Variants in AGBL1 observed in about 807,000 individuals in gnomAD.
AGBL1 encodes the protein cytosolic carboxypeptidase 4.
Under a neutral mutation model 118.9 loss-of-function variants are expected in AGBL1, and 130 were observed. The observed-to-expected ratio is 1.09, with a 90% CI of 0.95 to 1.26. AGBL1 has a LOEUF of 1.26. Ranked by LOEUF, AGBL1 falls within the 50% of genes most tolerant of loss-of-function variation. The pLI is 0.00. For missense variants in AGBL1, 1,584 were observed against 1,298.1 expected (o/e 1.22, Z -3.38); for synonymous variants, 555 against 478.9 (o/e 1.16, Z -2.08).
At chr15:86,743,880 C>T (rs1872562611) in intron 22 of AGBL1, among the ~76,000 whole-genome samples, 1 of 152,038 alleles carries the variant, frequency 6.6e-6, no homozygotes, top group African/African-American at 2.4e-5. Context: ...CCCCGCAACA[C>T]ACACACGTCT....
intron 21 of AGBL1, among the ~76,000 whole-genome samples, chr15:86,557,317 C>G (rs1407027989): frequency 6.6e-6 from 1 of 152,162 alleles, no homozygotes; most frequent in East Asian, 1.9e-4. Context: ...GGGCTTCACA[C>G]TGAGTGTTTG....
chr15:86,765,259 T>C (rs1328614117), intron 22 of AGBL1, among the ~76,000 whole-genome samples: 2 of 151,872 alleles, frequency 1.3e-5, no homozygotes, highest in Non-Finnish European at 2.9e-5. Context: ...AAAAATATGC[T>C]TTTTCCAACA....
chr15:86,617,306 CAG>C (rs1480226326), intron 21 of AGBL1, among the ~76,000 whole-genome samples: 2 of 152,316 alleles, frequency 1.3e-5, no homozygotes, highest in East Asian at 1.9e-4. Context: ...TGTGACCTTT[CAG>C]AGTCACTGTT....
At chr15:86,154,986 G>C (rs945255894) in intron 4 of AGBL1, among the ~76,000 whole-genome samples, 1 of 151,956 alleles carries the variant, frequency 6.6e-6, no homozygotes, top group Non-Finnish European at 1.5e-5. Context: ...ATTACTCATT[G>C]ATTACAACAT....
chr15:86,735,662 A>ATATATATATATATATATATATATATATG (rs2141224437), intron 22 of AGBL1, among the ~76,000 whole-genome samples: 1 of 151,314 alleles, frequency 6.6e-6, no homozygotes, highest in South Asian at 2.1e-4. Context: ...AGAGATATAT[A>ATATATATATATATATATATATATATATG]TATATATTTT....
chr15:86,347,177 T>C (rs2080550973), intron 17 of AGBL1, among the ~76,000 whole-genome samples: 1 of 152,196 alleles, frequency 6.6e-6, no homozygotes, highest in Non-Finnish European at 1.5e-5. Flanking sequence ...CTCTTTTAGC[T>C]AGCCCTGCAT....
intron 18 of AGBL1, among the ~76,000 whole-genome samples, chr15:86,516,793 CAAAAA>C (rs3084324): frequency 4.0e-5 from 4 of 99,216 alleles, no homozygotes; most frequent in Non-Finnish European, 6.0e-5. Context: ...AACTCCATCT[CAAAAA>C]AAAAAAAAAA....
chr15:86,410,836 A>AT (rs1567242843), intron 18 of AGBL1, among the ~76,000 whole-genome samples: 16 of 107,524 alleles, frequency 1.5e-4, no homozygotes, highest in African/African-American at 5.7e-4. Context: ...ATATATATAT[A>AT]TATATAATAT....
At chr15:86,784,872 C>T (rs2078384836) in intron 22 of AGBL1, among the ~76,000 whole-genome samples, 1 of 152,030 alleles carries the variant, frequency 6.6e-6, no homozygotes, top group African/African-American at 2.4e-5. Context: ...AACAGATAAT[C>T]TTTGTACTAC....
intron 18 of AGBL1, among the ~76,000 whole-genome samples, chr15:86,430,633 A>G (rs2081924453): frequency 6.6e-6 from 1 of 152,128 alleles, no homozygotes. Flanking sequence ...AACTAACCAC[A>G]CTGCACATAG....
intron 1 of AGBL1, among the ~76,000 whole-genome samples, chr15:86,107,280 G>T (rs1278430657): frequency 6.6e-6 from 1 of 152,198 alleles, no homozygotes; most frequent in East Asian, 1.9e-4. Context: ...CAGAGCTAAA[G>T]ATTTTAGAAC....
intron 22 of AGBL1, among the ~76,000 whole-genome samples, chr15:86,853,056 T>A (rs7164124): frequency 0.21 from 25,370 of 123,708 alleles, 2,260 homozygotes; most frequent in South Asian, 0.29. Context: ...CCAAAAAAAA[T>A]CTCAAAGCCC....
At chr15:86,614,571 A>G (rs1035071722) in intron 21 of AGBL1, among the ~76,000 whole-genome samples, 11 of 152,180 alleles carry the variant, frequency 7.2e-5, no homozygotes, top group African/African-American at 1.7e-4. Context: ...GTGTTTGCCA[A>G]TCCCTCTGGT....
intron 3 of AGBL1, among the ~76,000 whole-genome samples, chr15:86,149,825 T>C (rs2077083106): frequency 6.6e-6 from 1 of 152,212 alleles, no homozygotes; most frequent in Non-Finnish European, 1.5e-5. Flanking sequence ...AGAATATATA[T>C]TCTTCTCAGC....
At chr15:86,574,057 A>AC (rs1596280258) in intron 21 of AGBL1, among the ~76,000 whole-genome samples, 2 of 152,176 alleles carry the variant, frequency 1.3e-5, no homozygotes, top group African/African-American at 4.8e-5. Context: ...ACAAAAAAAA[A>AC]CCATAAAAGT....
At chr15:86,167,016 C>T (rs745312345) in intron 5 of AGBL1, among the ~76,000 whole-genome samples, 1 of 152,152 alleles carries the variant, frequency 6.6e-6, no homozygotes, top group Admixed American at 6.5e-5. Context: ...TAGGAACTTT[C>T]ACTTGCCATA....
intron 22 of AGBL1, among the ~76,000 whole-genome samples, chr15:86,764,830 C>T (rs936420316): frequency 6.6e-6 from 1 of 151,940 alleles, no homozygotes; most frequent in Non-Finnish European, 1.5e-5. Flanking sequence ...ATTTGGGCCA[C>T]CTTTGAGCTG....
intron 22 of AGBL1, among the ~76,000 whole-genome samples, chr15:86,819,336 A>C (rs2078907782): frequency 6.6e-6 from 1 of 152,106 alleles, no homozygotes; most frequent in Admixed American, 6.6e-5. Context: ...TTAAGTGATT[A>C]CTATGTTCCA....
chr15:86,459,950 AG>A (rs1301515006), intron 18 of AGBL1, among the ~76,000 whole-genome samples: 1 of 152,154 alleles, frequency 6.6e-6, no homozygotes, highest in African/African-American at 2.4e-5. Flanking sequence ...TTTAAAAGTG[AG>A]GAAAAATTTA....
Sources: allele counts gnomAD v4.1 joint callset (sites outside exome capture counted in the v4.1 genomes callset), GRCh38; gene constraint gnomAD v4.1.1; transcripts MANE v1.5; gene names NCBI Gene and HGNC (gene_info 2026-07-23, HGNC 2026-07-21).